Variants in PDCD1LG2 observed in about 807,000 individuals in gnomAD.
The protein encoded by PDCD1LG2 is programmed cell death 1 ligand 2, also known as B7 dendritic cell molecule.
Under a neutral mutation model 28.2 loss-of-function variants are expected in PDCD1LG2, and 32 were observed. The ratio of observed to expected loss-of-function variants is 1.13; its 90% CI spans 0.86 to 1.52. The LOEUF (loss-of-function observed/expected upper bound fraction) is 1.52, where lower values mean the gene tolerates loss of function less well. Ranked by LOEUF, PDCD1LG2 falls within the 40% of genes most tolerant of loss-of-function variation. The pLI is 0.00. For synonymous variants in PDCD1LG2, 116 were observed against 120.2 expected, an observed-to-expected ratio of 0.97 and a Z score of 0.23; for missense variants, 385 against 323.8, an observed-to-expected ratio of 1.19 and a Z score of -1.45.
rs949473096 is a variant in PDCD1LG2, at chr9:5,530,426, T to C, written c.56-4319T>C. Reference sequence around the variant, plus strand: ...AGGTTGAAGCTTAATTTAATAACCATGTGGCATGTAAAGTAGAAAACAAAA... The same window carrying C: ...AGGTTGAAGCTTAATTTAATAACCACGTGGCATGTAAAGTAGAAAACAAAA... On this transcript the variant is annotated intron_variant, in intron 2 of 6. Coordinates refer to ENST00000397747, the MANE Select transcript of PDCD1LG2 (RefSeq NM_025239.4). 6.5e-4 allele frequency among the ~76,000 whole-genome samples: 98 copies of C among 150,922 alleles called. 1 individual carries two copies. Among genetic ancestry groups the C allele is most frequent in the African/African-American group, 2.2e-3 (92 of 40,972 alleles).
chr9:5,548,715 GT>G (rs909702533), intron 3 of PDCD1LG2, among the ~76,000 whole-genome samples: 1 of 152,178 alleles, frequency 6.6e-6, no homozygotes, highest in African/African-American at 2.4e-5. Context: ...ATCTGCATGT[GT>G]TAGGGAGAAG....
rs547300418 is a variant in PDCD1LG2, at chr9:5,538,998, G to T, written c.361+3948G>T. Among the ~76,000 whole-genome samples, 6 of 152,006 alleles carry T rather than the reference G, an allele frequency of 3.9e-5. No homozygotes were observed. In the South Asian group the frequency reaches 1.2e-3, roughly 32 times the overall value. On this transcript the variant is annotated intron_variant, in intron 3 of 6. Coordinates refer to ENST00000397747, the MANE Select transcript of PDCD1LG2 (RefSeq NM_025239.4). ...TGAGAACATTCAATGTACCCCTTCTGGCTATTTGAAGCTATATACTGTTGT... is the reference window on the plus strand; with the variant it reads ...TGAGAACATTCAATGTACCCCTTCTTGCTATTTGAAGCTATATACTGTTGT...
chr9:5,519,041 TG>T (rs1441737665), intron 1 of PDCD1LG2, among the ~76,000 whole-genome samples: 4 of 152,160 alleles, frequency 2.6e-5, no homozygotes, highest in Non-Finnish European at 5.9e-5. Flanking sequence ...GGGCACACCA[TG>T]CCACAAAGGG....
chr9:5,556,414 G>A (rs1816443451), intron 4 of PDCD1LG2, among the ~76,000 whole-genome samples: 1 of 152,192 alleles, frequency 6.6e-6, no homozygotes, highest in Non-Finnish European at 1.5e-5. Flanking sequence ...TCTTTTGGAT[G>A]GAGACAAATA....
intron 6 of PDCD1LG2, among the ~76,000 whole-genome samples, chr9:5,566,843 G>A (rs145894055): frequency 8.5e-5 from 13 of 152,080 alleles, no homozygotes; most frequent in African/African-American, 3.1e-4. Context: ...ATAGAAAATT[G>A]CAAAATAAAA....
In PDCD1LG2 at chr9:5,549,617, C is replaced by T. The variant is rs2129879255; in HGVS notation, c.631+13C>T. ...ATTGACCTTCAAAGTAAGAGCTGCC[C>T]CCACTTCCTAGGTCTATCAGTTAGG... On this transcript the variant is annotated intron_variant, in intron 4 of 6. Transcript: ENST00000397747. 5.0e-6 allele frequency: 8 copies of T among 1,613,682 alleles called. No homozygotes were observed. The highest frequency in any genetic ancestry group is 6.8e-6 in the Non-Finnish European group (8 of 1,179,706).
At chr9:5,522,426 C>A in intron 1 of PDCD1LG2, 107 bp from the exon 2 acceptor site, 1 of 810,208 alleles carries the variant, frequency 1.2e-6, no homozygotes, top group Non-Finnish European at 2.0e-6. Flanking sequence ...CATGGTCTGT[C>A]ACCTTCCCCA....
chr9:5,514,886 T>C (rs1361776084), intron 1 of PDCD1LG2, among the ~76,000 whole-genome samples: 1 of 152,010 alleles, frequency 6.6e-6, no homozygotes, highest in Non-Finnish European at 1.5e-5. Flanking sequence ...AGACATTTGC[T>C]TGGGAAGCTC....
Position 5,535,884 on chromosome 9 carries a change from T to C in PDCD1LG2, c.361+834T>C, listed in dbSNP as rs7038568. Among the ~76,000 whole-genome samples, 1,442 of 152,298 alleles carry C rather than the reference T, an allele frequency of 9.5e-3. 20 individuals carry two copies. Among genetic ancestry groups the C allele is most frequent in the Middle Eastern group, 0.034 (10 of 294 alleles). ...CTTGTTTGTTCTAGAAAAGGTGATT[T>C]GAGGAAAGACATATAACAACTATAA... On this transcript the variant is annotated intron_variant, in intron 3 of 6. Coordinates refer to ENST00000397747, the MANE Select transcript of PDCD1LG2 (RefSeq NM_025239.4).
rs1227026732 is a variant in PDCD1LG2, at chr9:5,570,007, G to A, written c.*48G>A. ...GTGACCTGATATGACATCTAAAGAAGCTTCTGGACTCTGAACAAGAATTCG... is the reference window on the plus strand; with the variant it reads ...GTGACCTGATATGACATCTAAAGAAACTTCTGGACTCTGAACAAGAATTCG... On this transcript the variant is annotated 3_prime_UTR_variant, in exon 7 of 7. Coordinates refer to ENST00000397747, the MANE Select transcript of PDCD1LG2 (RefSeq NM_025239.4). 6.2e-7 allele frequency: 1 copy of A among 1,613,166 alleles called. No individual in the cohort carries two copies. The highest frequency in any genetic ancestry group is 1.1e-5 in the South Asian group (1 of 91,046).
intron 6 of PDCD1LG2, 108 bp downstream of exon 6, chr9:5,563,319 C>T (rs55700737): frequency 0.029 from 27,005 of 934,008 alleles, 497 homozygotes; most frequent in Non-Finnish European, 0.037. Context: ...CTGAATAGTT[C>T]CAGCTTATAG....
At chr9:5,538,446 G>A (rs1180062956) in intron 3 of PDCD1LG2, among the ~76,000 whole-genome samples, 1 of 152,122 alleles carries the variant, frequency 6.6e-6, no homozygotes, top group Non-Finnish European at 1.5e-5. Flanking sequence ...AGCACTTTGG[G>A]AGGCCAAGGC....
chr9:5,530,128 C>G (rs1406781464), intron 2 of PDCD1LG2, among the ~76,000 whole-genome samples: 2 of 152,038 alleles, frequency 1.3e-5, no homozygotes, highest in Non-Finnish European at 2.9e-5. Flanking sequence ...TGTGTGTTTC[C>G]TGAATAAGTG....
At chr9:5,560,810 C>G (rs1220704639) in intron 5 of PDCD1LG2, among the ~76,000 whole-genome samples, 1 of 152,138 alleles carries the variant, frequency 6.6e-6, no homozygotes, top group Non-Finnish European at 1.5e-5. Context: ...GTGACTAGCT[C>G]TGTGTACTAA....
At chr9:5,533,134 T>A (rs1158319185) in intron 2 of PDCD1LG2, among the ~76,000 whole-genome samples, 1 of 152,226 alleles carries the variant, frequency 6.6e-6, no homozygotes, top group African/African-American at 2.4e-5. Flanking sequence ...TTTGATTGAA[T>A]GAATGAATAA....
chr9:5,522,422 C>G, intron 1 of PDCD1LG2, 111 bp from the exon 2 acceptor site: 1 of 772,538 alleles, frequency 1.3e-6, no homozygotes, highest in East Asian at 2.6e-5. Context: ...CTACCATGGT[C>G]TGTCACCTTC....
At chr9:5,539,151 T>G (rs67996348) in intron 3 of PDCD1LG2, among the ~76,000 whole-genome samples, 24,091 of 152,148 alleles carry the variant, frequency 0.16, 2,508 homozygotes, top group African/African-American at 0.29. Flanking sequence ...CATAAGATGC[T>G]GAACATTATA....
At chr9:5,564,303 C>A (rs1816622220) in intron 6 of PDCD1LG2, among the ~76,000 whole-genome samples, 1 of 152,216 alleles carries the variant, frequency 6.6e-6, no homozygotes, top group Admixed American at 6.5e-5. Context: ...CACTGCCTCT[C>A]AAACTTTCAG....
At chr9:5,547,395 A>T (rs1816233787) in intron 3 of PDCD1LG2, among the ~76,000 whole-genome samples, 1 of 152,146 alleles carries the variant, frequency 6.6e-6, no homozygotes, top group South Asian at 2.1e-4. Context: ...TCAACAGGTG[A>T]CTTTCCACAC....
Sources: gnomAD v4.1 joint callset for allele counts (sites outside exome capture counted in the v4.1 genomes callset) on GRCh38, gnomAD v4.1.1 for gene constraint, MANE v1.5 for transcripts, NCBI Gene and HGNC (gene_info 2026-07-23, HGNC 2026-07-21) for gene names.